TIRAP: variants seen among roughly 807,000 people sequenced by gnomAD.
The protein encoded by TIRAP is toll/interleukin-1 receptor domain-containing adapter protein.
A neutral mutation model predicts 19.8 loss-of-function variants in TIRAP; 20 were observed. That is an observed-to-expected ratio of 1.01 (90% confidence interval 0.71 to 1.47). TIRAP has a LOEUF of 1.47. Ranked by LOEUF, TIRAP falls within the 40% of genes most tolerant of loss-of-function variation. The pLI, the probability that TIRAP is intolerant of heterozygous loss-of-function variation, is 0.00. For synonymous variants in TIRAP, 125 were observed against 121.7 expected, an observed-to-expected ratio of 1.03 and a Z score of -0.18; for missense variants, 276 against 285.1, an observed-to-expected ratio of 0.97 and a Z score of 0.23.
Position 126,290,440 on chromosome 11 carries a change from T to G in TIRAP, c.-216-22T>G. The stretch of plus-strand genomic sequence containing the variant: ...CATAATTATTTGTCCAAATAGCAAC[T>G]GTCCTTCTTCTGCCATTTCAGGCCT... On this transcript the variant is annotated intron_variant, in intron 1 of 4. Transcript: ENST00000392679. The surrounding 1 kb of genome is among the most constrained non-coding windows in gnomAD (Gnocchi z 4.9). 1.0e-6 allele frequency: 1 copy of G among 990,338 alleles called. No individual in the cohort carries two copies. Among genetic ancestry groups the G allele is most frequent in the South Asian group, 4.6e-5 (1 of 21,686 alleles). The allele number at this position is 990,338 out of a possible 1,614,324, so 61.3% of individuals were successfully genotyped here.
intron 1 of TIRAP, chr11:126,289,831 A>G (rs1951360199): frequency 1.4e-5 from 14 of 985,434 alleles, no homozygotes; most frequent in Non-Finnish European, 1.7e-5. Context: ...GGAAAAGAAC[A>G]TGGCAGGTTG....
chr11:126,292,301 C>CG (rs1951399691), intron 3 of TIRAP, among the ~76,000 whole-genome samples, 176 bp from the exon 4 acceptor site: 1 of 118,146 alleles, frequency 8.5e-6, no homozygotes, highest in African/African-American at 3.4e-5. Flanking sequence ...GACTCTGCCT[C>CG]AAAAAAAAAA....
Position 126,293,953 on chromosome 11 carries a change from CAAG to C in TIRAP, c.*270_*272del. On this transcript the variant is annotated 3_prime_UTR_variant, in exon 5 of 5. Transcript: ENST00000392679. ...AGCCATGAGGAAGCTGGGGACTCCC[CAAG>C]AAGGCCATGAGGAAGCCAGAAATTG... 1 of 526,590 alleles carries C rather than the reference CAAG, an allele frequency of 1.9e-6. No individual in the cohort carries two copies. Among genetic ancestry groups the C allele is most frequent in the Non-Finnish European group, 3.4e-6 (1 of 291,770 alleles). The allele number at this position is 526,590 out of a possible 1,614,324, so 32.6% of individuals were successfully genotyped here.
Position 126,288,307 on chromosome 11 carries a change from A to C in TIRAP, c.-216-2155A>C, listed in dbSNP as rs1479375871. 6.6e-6 allele frequency: 1 copy of C among 152,268 alleles called. No individual in the cohort carries two copies. 9.4% of individuals were successfully genotyped at this position (152,268 alleles called of 1,614,324 possible). On this transcript the variant is annotated intron_variant, in intron 1 of 4. Coordinates refer to ENST00000392679, the MANE Select transcript of TIRAP (RefSeq NM_001318777.2). This position sits in a 1 kb window ranked among gnomAD's most constrained non-coding sequence, Gnocchi z 5.0. ...ATTAGACCACACAGCAAATCAGAGA[A>C]TAGGCAGAGCTAGTGAGTAGAGCTT...
rs1951435169 is a variant in TIRAP at position 126,293,586 on chromosome 11, AAGAT to A, written c.647-78_647-75del. 8 of 1,528,174 alleles carry A rather than the reference AAGAT, an allele frequency of 5.2e-6. No homozygotes were observed. The South Asian group carries it at 6.8e-5, about 13-fold the overall frequency. 94.7% of individuals were successfully genotyped at this position (1,528,174 alleles called of 1,614,324 possible). A position where few individuals can be genotyped will look rare whatever the true frequency, so the allele number is the denominator to read the frequency against. Reference sequence around the variant, plus strand: ...TAGGTTTGGAAGTGTAATAGATAAAAAGATAGAAGAGGCAGGACCTGTTGGGGAA... The same window carrying A: ...TAGGTTTGGAAGTGTAATAGATAAAAAGAAGAGGCAGGACCTGTTGGGGAA... On this transcript the variant is annotated intron_variant, in intron 4 of 4. Transcript: ENST00000392679.
At position 126,291,172 on chromosome 11, in the gene TIRAP, G is replaced by A; in HGVS notation, c.67+211G>A. ...GCTCAGCCAGATCTTTATCCTTTTG[G>A]CTCAAAGGTTTTCCAGGCCTGCTCA... On this transcript the variant is annotated intron_variant, in intron 3 of 4. Coordinates refer to ENST00000392679, the MANE Select transcript of TIRAP (RefSeq NM_001318777.2). The surrounding 1 kb of genome is among the most constrained non-coding windows in gnomAD (Gnocchi z 5.6). 1.5e-6 allele frequency: 1 copy of A among 685,658 alleles called. No individual in the cohort carries two copies. The highest frequency in any genetic ancestry group is 2.4e-6 in the Non-Finnish European group (1 of 419,744). 42.5% of individuals were successfully genotyped at this position (685,658 alleles called of 1,614,324 possible).
At chr11:126,293,557 G>A (rs1156528011) in intron 4 of TIRAP, 111 bp from the exon 5 acceptor site, 2 of 1,243,486 alleles carry the variant, frequency 1.6e-6, no homozygotes, top group Admixed American at 3.4e-5. Flanking sequence ...CCATGCTATT[G>A]CAGTAGGTTT....
In TIRAP at chr11:126,292,933, C is replaced by T. The variant is rs757439874; in HGVS notation, c.524C>T (p.Thr175Ile). ...GAGGCTCCAGGGGCCGAGGGCTGCA[C>T]CATCCCCCTGCTGTCGGGCCTCAGC... ...LTEAPGAEGC[T>I]IPLLSGLSRA... is the part of the protein sequence containing the mutation. The change falls in exon 4 of 5, where the codon ACC becomes ATC. Residue 175 changes from threonine (T) to isoleucine (I), a missense_variant. Coordinates refer to ENST00000392679, the MANE Select transcript of TIRAP (RefSeq NM_001318777.2). 2.5e-6 allele frequency: 4 copies of T among 1,613,912 alleles called. No individual in the cohort carries two copies. In the Admixed American group the frequency reaches 6.7e-5, roughly 27 times the overall value.
At chr11:126,289,524 C>T (rs1199458413) in intron 1 of TIRAP, 7 of 404,304 alleles carry the variant, frequency 1.7e-5, no homozygotes, top group Admixed American at 1.3e-4. Flanking sequence ...GGTGATCCGC[C>T]GCCTTGGCCT....
At chr11:126,285,348 G>A (rs927748553) in intron 1 of TIRAP, among the ~76,000 whole-genome samples, 5 of 151,308 alleles carry the variant, frequency 3.3e-5, no homozygotes, top group South Asian at 2.1e-4. Context: ...TGCAACCTCC[G>A]TCTCCCAGGT....
At chr11:126,285,443 G>T (rs1374243960) in intron 1 of TIRAP, among the ~76,000 whole-genome samples, 2 of 151,148 alleles carry the variant, frequency 1.3e-5, no homozygotes, top group Admixed American at 1.3e-4. Context: ...TGTATTTTTA[G>T]TAGAGATGGG....
At chr11:126,292,187 C>T (rs958817901) in intron 3 of TIRAP, among the ~76,000 whole-genome samples, 57 of 151,464 alleles carry the variant, frequency 3.8e-4, no homozygotes, top group African/African-American at 1.3e-3. Context: ...GCCTGTAATC[C>T]CAGCTACTCA....
At position 126,294,883 on chromosome 11, in the gene TIRAP, G is replaced by A. The variant is rs972514804; in HGVS notation, c.*1196G>A. ...GGCCGAGGCAGGTGGATCACCTGAGGTCAGGAGTTCAAGACTAGCCTGGCC... is the reference window on the plus strand; with the variant it reads ...GGCCGAGGCAGGTGGATCACCTGAGATCAGGAGTTCAAGACTAGCCTGGCC... On this transcript the variant is annotated 3_prime_UTR_variant, in exon 5 of 5. Coordinates refer to ENST00000392679, the MANE Select transcript of TIRAP (RefSeq NM_001318777.2). 2 of 222,142 alleles carry A rather than the reference G, an allele frequency of 9.0e-6. No individual in the cohort carries two copies. Among genetic ancestry groups the A allele is most frequent in the Non-Finnish European group, 9.1e-6 (1 of 109,522 alleles). The allele number at this position is 222,142 out of a possible 1,614,324, so 13.8% of individuals were successfully genotyped here. A position where few individuals can be genotyped will look rare whatever the true frequency, so the allele number is the denominator to read the frequency against.
In TIRAP at chr11:126,290,178, G is replaced by C. The variant is rs1349836650; in HGVS notation, c.-216-284G>C. Among the ~76,000 whole-genome samples the C allele has an allele frequency of 6.6e-6, 1 of 152,210 alleles. No homozygotes were observed. Among genetic ancestry groups the C allele is most frequent in the East Asian group, 1.9e-4 (1 of 5,200 alleles). The stretch of plus-strand genomic sequence containing the variant: ...CTAGTACTTCCATTTCACGGATGGA[G>C]AAACGAGTTTAGCAAGGTGGCCAAA... On this transcript the variant is annotated intron_variant, in intron 1 of 4. Coordinates refer to ENST00000392679, the MANE Select transcript of TIRAP (RefSeq NM_001318777.2). The surrounding 1 kb of genome is among the most constrained non-coding windows in gnomAD (Gnocchi z 4.9).
At position 126,293,110 on chromosome 11, in the gene TIRAP, T is replaced by A. The variant is rs770500774; in HGVS notation, c.646+55T>A. 4 of 1,610,704 alleles carry A rather than the reference T, an allele frequency of 2.5e-6. No individual in the cohort carries two copies. Among genetic ancestry groups the A allele is most frequent in the Non-Finnish European group, 3.4e-6 (4 of 1,178,986 alleles). ...CGGGATTCAGCTACAGTATCTGATC[T>A]ACTTTGACTTTTAGGAGACAGCCCT... is the stretch of plus-strand genomic sequence containing the variant. On this transcript the variant is annotated intron_variant, in intron 4 of 4. Transcript: ENST00000392679.
chr11:126,291,319 C>A lies in TIRAP; in HGVS notation c.67+358C>A. On this transcript the variant is annotated intron_variant, in intron 3 of 4. Coordinates refer to ENST00000392679, the MANE Select transcript of TIRAP (RefSeq NM_001318777.2). This position sits in a 1 kb window ranked among gnomAD's most constrained non-coding sequence, Gnocchi z 5.6. ...AGCAGAGAGAGAAAATGAATCAATC[C>A]CCACCACAACTATCTGTCCTTATCA... 1 of 654,178 alleles carries A rather than the reference C, an allele frequency of 1.5e-6. No homozygotes were observed. Among genetic ancestry groups the A allele is most frequent in the Non-Finnish European group, 2.4e-6 (1 of 410,726 alleles). The allele number at this position is 654,178 out of a possible 1,614,324, so 40.5% of individuals were successfully genotyped here. A position where few individuals can be genotyped will look rare whatever the true frequency, so the allele number is the denominator to read the frequency against.
chr11:126,285,243 G>GTGTGTATATATA, intron 1 of TIRAP, among the ~76,000 whole-genome samples: 113 of 106,972 alleles, frequency 1.1e-3, no homozygotes, highest in Admixed American at 3.9e-3. Flanking sequence ...GTGTGTGTGT[G>GTGTGTATATATA]TATATATATA....
In TIRAP at chr11:126,293,696, A is replaced by G. The variant is rs773485764; in HGVS notation, c.*9A>G. 17 of 1,614,064 alleles carry G rather than the reference A, an allele frequency of 1.1e-5. No homozygotes were observed. Among genetic ancestry groups the G allele is most frequent in the Middle Eastern group, 1.6e-4 (1 of 6,084 alleles). On this transcript the variant is annotated 3_prime_UTR_variant, in exon 5 of 5. Coordinates refer to ENST00000392679, the MANE Select transcript of TIRAP (RefSeq NM_001318777.2). ...TGCAGACACTCAGTTGACACTTGTTATATCATGGGACCCCGGAAATTGGAG... is the reference window on the plus strand; with the variant it reads ...TGCAGACACTCAGTTGACACTTGTTGTATCATGGGACCCCGGAAATTGGAG...
In TIRAP at chr11:126,293,053, G is replaced by A. The variant is rs185114125; in HGVS notation, c.644G>A (p.Arg215His). The change falls in exon 4 of 5, where the codon CGT becomes CAT. Residue 215 changes from arginine to histidine, a missense_variant and splice_region_variant. Coordinates refer to ENST00000392679, the MANE Select transcript of TIRAP (RefSeq NM_001318777.2). ...CGTCAAGTCAAAGAAGCTGTCATGC[G>A]TTGTAAGCTACTACAGGAGGGAGAA... ...GFRQVKEAVM[R>H]YLQTLS The A allele has an allele frequency of 1.4e-4, 229 of 1,614,154 alleles. 1 individual carries two copies. Among genetic ancestry groups the A allele is most frequent in the South Asian group, 4.0e-4 (36 of 91,090 alleles).
Sources: gnomAD v4.1 joint callset for allele counts (sites outside exome capture counted in the v4.1 genomes callset) on GRCh38, gnomAD v4.1.1 for gene constraint, Gnocchi (gnomAD v3.1) non-coding constraint, MANE v1.5 for transcripts, NCBI Gene and HGNC (gene_info 2026-07-23, HGNC 2026-07-21) for gene names.